The following UBE3C variants were observed in gnomAD, a reference collection of about 807,000 sequenced individuals.
UBE3C encodes ubiquitin-protein ligase E3C.
A neutral mutation model predicts 129.4 loss-of-function variants in UBE3C; 42 were observed. That is an observed-to-expected ratio of 0.32 (90% CI 0.25 to 0.42). The LOEUF (loss-of-function observed/expected upper bound fraction) is 0.42, where lower values mean the gene tolerates loss of function less well. UBE3C is among the 10% of genes least tolerant of loss of function. The pLI is 1.00. For missense variants in UBE3C, 1,049 were observed against 1,319.1 expected (o/e 0.80, Z 3.17); for synonymous variants, 510 against 492.4 (o/e 1.04, Z -0.47).
At chr7:157,261,790 C>CA (rs1220370636) in intron 22 of UBE3C, among the ~76,000 whole-genome samples, 3 of 152,132 alleles carry the variant, frequency 2.0e-5, no homozygotes, top group Admixed American at 6.5e-5. Flanking sequence ...TTGTTACAGA[C>CA]AAAAAATCAT....
At chr7:157,151,433 C>CA (rs1434808024) in intron 1 of UBE3C, among the ~76,000 whole-genome samples, 1 of 152,082 alleles carries the variant, frequency 6.6e-6, no homozygotes, top group East Asian at 1.9e-4. Context: ...GGAAATGTAA[C>CA]AAAGAAATTG....
chr7:157,201,526 C>T (rs931983394), intron 10 of UBE3C, among the ~76,000 whole-genome samples, 195 bp from the exon 11 acceptor site: 5 of 150,782 alleles, frequency 3.3e-5, no homozygotes, highest in African/African-American at 7.3e-5. Context: ...CAGATTTACA[C>T]CTTTGGGAGC....
intron 19 of UBE3C, among the ~76,000 whole-genome samples, chr7:157,248,839 C>T (rs900388054): frequency 2.0e-5 from 3 of 152,164 alleles, no homozygotes; most frequent in Admixed American, 6.5e-5. Context: ...CTCGAGGCTG[C>T]GGCCCAGGCT....
intron 14 of UBE3C, 177 bp downstream of exon 14, chr7:157,217,148 G>A (rs1795604096): frequency 2.0e-6 from 1 of 490,546 alleles, no homozygotes; most frequent in South Asian, 2.8e-5. Context: ...ACATATAGCA[G>A]TATCATTGAC....
intron 1 of UBE3C, among the ~76,000 whole-genome samples, chr7:157,145,443 G>T (rs532243454): frequency 6.6e-6 from 1 of 152,106 alleles, no homozygotes; most frequent in Non-Finnish European, 1.5e-5. Flanking sequence ...GCTTGAACCC[G>T]AGAGGCAGAG....
intron 17 of UBE3C, among the ~76,000 whole-genome samples, chr7:157,230,020 G>T (rs190335954): frequency 6.6e-6 from 1 of 151,780 alleles, no homozygotes; most frequent in African/African-American, 2.4e-5. Context: ...GTGATTCTCC[G>T]GCCTCAGCCA....
In UBE3C at chr7:157,206,470, G is replaced by A. The variant is rs184672717; in HGVS notation, c.1419-928G>A. ...GTAGAGATGGGGTTTCACCATGTTG[G>A]CCAGGCTGGTCTCGAACTCTTGACC... On this transcript the variant is annotated intron_variant, in intron 11 of 22. Coordinates refer to ENST00000348165, the MANE Select transcript of UBE3C (RefSeq NM_014671.3). Among the ~76,000 whole-genome samples, 158 of 152,042 alleles carry A rather than the reference G, an allele frequency of 1.0e-3. 1 individual carries two copies. The highest frequency in any genetic ancestry group is 1.4e-3 in the East Asian group (7 of 5,158).
intron 1 of UBE3C, among the ~76,000 whole-genome samples, chr7:157,157,418 A>C (rs1364508443): frequency 1.3e-5 from 2 of 152,164 alleles, no homozygotes. Context: ...AAATGAAAAA[A>C]TTAAATGATT....
chr7:157,256,280 T>C (rs1395137640), intron 21 of UBE3C, among the ~76,000 whole-genome samples: 1 of 152,076 alleles, frequency 6.6e-6, no homozygotes, highest in Non-Finnish European at 1.5e-5. Flanking sequence ...GAAGCTGAGA[T>C]TATGGGTGCG....
At chr7:157,241,924 G>C (rs188927078) in intron 18 of UBE3C, among the ~76,000 whole-genome samples, 2 of 152,250 alleles carry the variant, frequency 1.3e-5, no homozygotes, top group Admixed American at 1.3e-4. Context: ...CCAAAGACAT[G>C]GTTCCATTTA....
intron 4 of UBE3C, among the ~76,000 whole-genome samples, chr7:157,171,010 C>G (rs919403112): frequency 6.6e-6 from 1 of 151,682 alleles, no homozygotes; most frequent in African/African-American, 2.4e-5. Flanking sequence ...TGAGGTCTTG[C>G]TATGTTGCCC....
chr7:157,220,591 G>T (rs991004455), intron 14 of UBE3C, 98 bp from the exon 15 acceptor site: 3 of 1,405,000 alleles, frequency 2.1e-6, no homozygotes, highest in South Asian at 2.7e-5. Context: ...CCCAGCCCAC[G>T]GTAGAGAAAT....
At chr7:157,140,163 T>TCCCTTCCCAC (rs1456732308) in intron 1 of UBE3C, 1 of 273,730 alleles carries the variant, frequency 3.7e-6, no homozygotes, top group Non-Finnish European at 4.9e-6. Flanking sequence ...TTCCCGCCCC[T>TCCCTTCCCAC]CCCTTCCCAC....
intron 17 of UBE3C, among the ~76,000 whole-genome samples, chr7:157,226,236 A>C (rs1016636848): frequency 2.0e-5 from 3 of 152,184 alleles, no homozygotes; most frequent in African/African-American, 7.2e-5. Flanking sequence ...TGCCATTGCA[A>C]TCCAAGTTTC....
intron 10 of UBE3C, among the ~76,000 whole-genome samples, chr7:157,194,613 A>G (rs1425958346): frequency 6.6e-6 from 1 of 152,230 alleles, no homozygotes; most frequent in African/African-American, 2.4e-5. Flanking sequence ...GAAATGTGGA[A>G]TGTTAATGCT....
rs1209428587 is a variant in UBE3C at position 157,166,720 on chromosome 7, G to A, written c.121-2328G>A. Among the ~76,000 whole-genome samples, 8 of 134,102 alleles carry A rather than the reference G, an allele frequency of 6.0e-5. No individual in the cohort carries two copies. The East Asian group carries it at 1.6e-3, about 26-fold the overall frequency. 88.0% of individuals were successfully genotyped at this position (134,102 alleles called of 152,430 possible). ...ACGCTGTTGCACTCCAGCCTGGAGT[G>A]AAACTCCGTCTCAAAAAAAAAAAAA... On this transcript the variant is annotated intron_variant, in intron 2 of 22. Transcript: ENST00000348165.
chr7:157,256,179 G>A (rs1296996202), intron 21 of UBE3C, among the ~76,000 whole-genome samples: 1 of 152,106 alleles, frequency 6.6e-6, no homozygotes, highest in East Asian at 1.9e-4. Flanking sequence ...ATCTCACCCT[G>A]TCACCCAGGC....
At chr7:157,157,059 T>G (rs1017604541) in intron 1 of UBE3C, among the ~76,000 whole-genome samples, 1 of 152,146 alleles carries the variant, frequency 6.6e-6, no homozygotes, top group African/African-American at 2.4e-5. Context: ...AAAATAAAGG[T>G]GTAGGCATGA....
chr7:157,216,574 G>C (rs955365091), intron 13 of UBE3C, among the ~76,000 whole-genome samples: 2 of 151,516 alleles, frequency 1.3e-5, no homozygotes, highest in African/African-American at 4.9e-5. Flanking sequence ...TTCTTATCAT[G>C]TAGCTCCCGC....
Sources: gnomAD v4.1 joint callset for allele counts (sites outside exome capture counted in the v4.1 genomes callset) on GRCh38, gnomAD v4.1.1 for gene constraint, MANE v1.5 for transcripts, NCBI Gene and HGNC (gene_info 2026-07-23, HGNC 2026-07-21) for gene names.